Variants in DMD observed in about 807,000 individuals in gnomAD.
DMD encodes dystrophin, also known as mutant dystrophin.
In DMD, 63 loss-of-function variants were observed where a neutral mutation model predicts 330.1. That is an observed-to-expected ratio of 0.19 (90% CI 0.16 to 0.24). DMD has a LOEUF of 0.24. Ranked by LOEUF, DMD falls within the 10% of genes least tolerant of loss-of-function variation. DMD has a pLI of 1.00. For missense variants in DMD, 3,344 were observed against 2,684.1 expected (o/e 1.25, Z -5.43); for synonymous variants, 1,223 against 959.8 (o/e 1.27, Z -5.07).
chrX:32,916,890 C>A (rs2087858610), intron 2 of DMD, among the ~76,000 whole-genome samples: 1 of 111,004 alleles, frequency 9.0e-6, no homozygotes, highest in Non-Finnish European at 1.9e-5. Context: ...TATAATGATC[C>A]CATCACAAAG....
chrX:32,930,161 T>C (rs766719039), intron 2 of DMD, among the ~76,000 whole-genome samples: 1 of 111,407 alleles, frequency 9.0e-6, no homozygotes, highest in East Asian at 2.8e-4. Flanking sequence ...GCCTATTTTA[T>C]AATAAAATGT....
At position 31,441,189 on chromosome X, in the gene DMD, TTTTTA is replaced by T. The variant is rs199783061; in HGVS notation, c.9084+3287_9084+3291del. ...GCCTTTCTACTACTCCAGTTCTCTA[TTTTTA>T]TTTTATTTTATTTTATTTTTGAGAC... On this transcript the variant is annotated intron_variant, in intron 60 of 78. Transcript: ENST00000357033. 5.4e-5 allele frequency among the ~76,000 whole-genome samples: 6 copies of T among 111,928 alleles called. No individual in the cohort carries two copies. In the East Asian group the frequency reaches 8.3e-4, roughly 16 times the overall value.
chrX:33,128,178 G>A (rs1033359424), intron 1 of DMD: 1 of 1,205,326 alleles, frequency 8.3e-7, no homozygotes, highest in Non-Finnish European at 1.1e-6. Context: ...CAAATTCTGC[G>A]GAGGCTGGCT....
At chrX:31,348,727 C>A (rs2058234233) in intron 60 of DMD, 93 bp from the exon 61 acceptor site, 2 of 761,600 alleles carry the variant, frequency 2.6e-6, no homozygotes. Context: ...TACTTTGAGT[C>A]TCCAAGACTG....
At chrX:33,020,004 T>A (rs1047824341) in intron 2 of DMD, 135 bp downstream of exon 2, 30 of 459,602 alleles carry the variant, frequency 6.5e-5, no homozygotes, top group African/African-American at 5.4e-4. Context: ...AACATAATAT[T>A]TCCAGATTTG....
intron 62 of DMD, among the ~76,000 whole-genome samples, chrX:31,264,396 G>A (rs2050829525): frequency 8.9e-6 from 1 of 112,393 alleles, no homozygotes; most frequent in African/African-American, 3.2e-5. Flanking sequence ...CTGTTCACAT[G>A]TTAATGGGTA....
chrX:32,759,254 A>G (rs1436846597), intron 7 of DMD, among the ~76,000 whole-genome samples: 1 of 112,103 alleles, frequency 8.9e-6, no homozygotes, highest in Non-Finnish European at 1.9e-5. Context: ...GGAAAGGATC[A>G]TTTCTAATTT....
At chrX:32,230,663 A>C (rs909435005) in intron 43 of DMD, among the ~76,000 whole-genome samples, 6 of 112,383 alleles carry the variant, frequency 5.3e-5, no homozygotes, top group African/African-American at 1.9e-4. Flanking sequence ...GAAGACAAGC[A>C]AACGTGAGTT....
chrX:32,642,515 G>A (rs1195993229), intron 11 of DMD, among the ~76,000 whole-genome samples: 1 of 111,922 alleles, frequency 8.9e-6, no homozygotes, highest in East Asian at 2.8e-4. Context: ...GAAATTACAC[G>A]CACAGAAGTC....
chrX:32,198,811 C>T (rs2097018955), intron 44 of DMD, among the ~76,000 whole-genome samples: 1 of 111,677 alleles, frequency 9.0e-6, no homozygotes, highest in Admixed American at 9.5e-5. Context: ...TTCAAAATGT[C>T]CCCAGTATAC....
intron 49 of DMD, among the ~76,000 whole-genome samples, chrX:31,830,422 C>G (rs1006385583): frequency 9.0e-6 from 1 of 111,408 alleles, no homozygotes; most frequent in Non-Finnish European, 1.9e-5. Context: ...TGGAGAAACC[C>G]CATCTCTACT....
chrX:31,145,367 CT>C (rs888031084), intron 76 of DMD, among the ~76,000 whole-genome samples: 4 of 111,530 alleles, frequency 3.6e-5, no homozygotes, highest in Non-Finnish European at 7.5e-5. Context: ...AAATGGAGGT[CT>C]TTTCCAAGGC....
intron 7 of DMD, among the ~76,000 whole-genome samples, chrX:32,710,161 A>ATG (rs1556942507): frequency 1.9e-5 from 2 of 104,992 alleles, no homozygotes; most frequent in African/African-American, 8.0e-5. Context: ...AACTTTTATT[A>ATG]TGTTTTTTTT....
intron 27 of DMD, among the ~76,000 whole-genome samples, chrX:32,444,188 C>T (rs1040432249): frequency 3.6e-5 from 4 of 110,113 alleles, no homozygotes; most frequent in South Asian, 3.8e-4. Context: ...GTAGAACATC[C>T]CTAGCCATTG....
intron 59 of DMD, among the ~76,000 whole-genome samples, chrX:31,465,236 G>T (rs1414516494): frequency 9.1e-6 from 1 of 110,453 alleles, no homozygotes; most frequent in African/African-American, 3.3e-5. Flanking sequence ...TTTAAGTTCT[G>T]GGATACATGT....
At chrX:32,229,463 T>C (rs1195796405) in intron 43 of DMD, among the ~76,000 whole-genome samples, 6 of 106,093 alleles carry the variant, frequency 5.7e-5, no homozygotes, top group African/African-American at 2.0e-4. Flanking sequence ...TAAAGTATCG[T>C]TGCTTATATT....
intron 44 of DMD, among the ~76,000 whole-genome samples, chrX:32,038,627 G>A (rs1399744665): frequency 1.8e-5 from 2 of 110,320 alleles, no homozygotes; most frequent in Admixed American, 1.9e-4. Flanking sequence ...AGGTAACCCT[G>A]GAGGATTCCT....
chrX:31,350,592 C>CGTGTGTGTGTGTGTGT (rs747001189), intron 60 of DMD, among the ~76,000 whole-genome samples: 1 of 85,316 alleles, frequency 1.2e-5, no homozygotes, highest in African/African-American at 4.4e-5. Context: ...AAATGTGGTA[C>CGTGTGTGTGTGTGTGT]GTGTGTGTGT....
At chrX:32,197,700 A>T (rs2097012918) in intron 44 of DMD, among the ~76,000 whole-genome samples, 2 of 111,913 alleles carry the variant, frequency 1.8e-5, no homozygotes, top group Admixed American at 1.9e-4. Context: ...AATAATTTAC[A>T]TTTATTTTTA....
Sources: gnomAD v4.1 joint callset for allele counts (sites outside exome capture counted in the v4.1 genomes callset) on GRCh38, gnomAD v4.1.1 for gene constraint, MANE v1.5 for transcripts, NCBI Gene and HGNC (gene_info 2026-07-23, HGNC 2026-07-21) for gene names.